ATRNL1: variants seen among roughly 807,000 people sequenced by gnomAD.
The protein encoded by ATRNL1 is attractin like 1, also known as attractin-like protein 1.
Under a neutral mutation model 182.7 loss-of-function variants are expected in ATRNL1, and 95 were observed. The ratio of observed to expected loss-of-function variants is 0.52; its 90% CI spans 0.44 to 0.62. The LOEUF (loss-of-function observed/expected upper bound fraction) is 0.62, where lower values mean the gene tolerates loss of function less well. ATRNL1 is among the 20% of genes least tolerant of loss of function. ATRNL1 has a pLI of 0.00. For missense variants in ATRNL1, 1,471 were observed against 1,679.5 expected (o/e 0.88, Z 2.17); for synonymous variants, 576 against 568.3 (o/e 1.01, Z -0.19).
chr10:115,308,669 C>T (rs1434128391), intron 17 of ATRNL1, among the ~76,000 whole-genome samples: 1 of 152,002 alleles, frequency 6.6e-6, no homozygotes, highest in Non-Finnish European at 1.5e-5. Flanking sequence ...TCATACAAGT[C>T]CTTATACTAC....
chr10:115,693,179 GT>G (rs1324748855), intron 26 of ATRNL1, among the ~76,000 whole-genome samples: 29 of 152,128 alleles, frequency 1.9e-4, no homozygotes, highest in African/African-American at 5.1e-4. Context: ...TATAGTAATA[GT>G]TTTTTACTAT....
At chr10:115,180,074 T>C (rs1592220393) in intron 8 of ATRNL1, among the ~76,000 whole-genome samples, 2 of 152,060 alleles carry the variant, frequency 1.3e-5, no homozygotes, top group South Asian at 2.1e-4. Flanking sequence ...ATTGTCTTAC[T>C]AGCAAAATAC....
chr10:115,422,354 C>G (rs1554962079), intron 20 of ATRNL1, among the ~76,000 whole-genome samples: 1 of 152,096 alleles, frequency 6.6e-6, no homozygotes, highest in African/African-American at 2.4e-5. Flanking sequence ...AAAAAACGAA[C>G]AACCGCATTA....
At chr10:115,133,232 A>G (rs1845341819) in intron 5 of ATRNL1, among the ~76,000 whole-genome samples, 1 of 152,170 alleles carries the variant, frequency 6.6e-6, no homozygotes, top group Admixed American at 6.5e-5. Flanking sequence ...GTCAAAGATC[A>G]GGTGGTTGTA....
intron 24 of ATRNL1, among the ~76,000 whole-genome samples, chr10:115,483,645 A>C (rs1467721795): frequency 6.6e-6 from 1 of 151,534 alleles, no homozygotes; most frequent in Non-Finnish European, 1.5e-5. Context: ...ATTTTCATAA[A>C]ATCTAGATGT....
At chr10:115,535,377 C>T (rs1554989895) in intron 25 of ATRNL1, among the ~76,000 whole-genome samples, 1 of 151,752 alleles carries the variant, frequency 6.6e-6, no homozygotes, top group African/African-American at 2.4e-5. Context: ...ATCACTGATA[C>T]CCTTTCTTCC....
intron 27 of ATRNL1, among the ~76,000 whole-genome samples, chr10:115,793,826 T>C (rs1555082295): frequency 6.6e-6 from 1 of 152,154 alleles, no homozygotes; most frequent in Non-Finnish European, 1.5e-5. Flanking sequence ...TTTTTCTTTG[T>C]GGTGGGTGAT....
intron 27 of ATRNL1, among the ~76,000 whole-genome samples, chr10:115,791,240 G>A (rs575177210): frequency 4.1e-4 from 62 of 152,172 alleles, no homozygotes; most frequent in Non-Finnish European, 4.4e-4. Flanking sequence ...CCTTCCTCAT[G>A]CCAACATACT....
chr10:115,142,321 G>T (rs1845785216), intron 5 of ATRNL1, among the ~76,000 whole-genome samples: 1 of 152,166 alleles, frequency 6.6e-6, no homozygotes, highest in Non-Finnish European at 1.5e-5. Context: ...GCAGAGACCT[G>T]TCAGTTCAAA....
chr10:115,374,453 T>TTCCTTTCC (rs1421460494), intron 19 of ATRNL1, among the ~76,000 whole-genome samples: 18 of 135,884 alleles, frequency 1.3e-4, no homozygotes, highest in Non-Finnish European at 2.5e-4. Context: ...CCTTCCTTCC[T>TTCCTTTCC]TTCCTTCCTT....
chr10:115,393,441 A>C (rs1554954813), intron 19 of ATRNL1, among the ~76,000 whole-genome samples: 1 of 152,182 alleles, frequency 6.6e-6, no homozygotes, highest in Admixed American at 6.6e-5. Context: ...ACATTGGGAA[A>C]TTTTGACTCA....
chr10:115,529,730 TTTC>T (rs1851452994), intron 25 of ATRNL1, among the ~76,000 whole-genome samples: 1 of 152,106 alleles, frequency 6.6e-6, no homozygotes, highest in Admixed American at 6.6e-5. Context: ...CGTTTTCCAA[TTTC>T]TAATTTTAAT....
chr10:115,736,563 CATT>C (rs1266434951), intron 27 of ATRNL1, among the ~76,000 whole-genome samples: 1 of 152,052 alleles, frequency 6.6e-6, no homozygotes, highest in Non-Finnish European at 1.5e-5. Context: ...GGCCCTCAAT[CATT>C]ATGACTGATT....
rs978326596 is a variant in ATRNL1 at position 115,622,984 on chromosome 10, G to A, written c.3795+73448G>A. Among the ~76,000 whole-genome samples the A allele has an allele frequency of 4.6e-4, 70 of 151,966 alleles. 1 individual carries two copies. The highest frequency in any genetic ancestry group is 1.0e-4 in the Non-Finnish European group (7 of 67,980). ...AGATAGAAAATCTTCACTGCTAACA[G>A]GTTGTCTTTATCACAACGGTATAAT... On this transcript the variant is annotated intron_variant, in intron 26 of 28. Coordinates refer to ENST00000355044, the MANE Select transcript of ATRNL1 (RefSeq NM_207303.4).
chr10:115,569,071 A>G (rs1233270738), intron 26 of ATRNL1, among the ~76,000 whole-genome samples: 1 of 152,096 alleles, frequency 6.6e-6, no homozygotes, highest in Non-Finnish European at 1.5e-5. Context: ...ATTGATTATA[A>G]AGAACATTGC....
intron 18 of ATRNL1, among the ~76,000 whole-genome samples, chr10:115,326,971 C>T (rs566393900): frequency 6.6e-6 from 1 of 152,186 alleles, no homozygotes; most frequent in Non-Finnish European, 1.5e-5. Context: ...GGCCTAAAAT[C>T]ATAAAAACCC....
chr10:115,301,063 A>T (rs1163250382), intron 16 of ATRNL1, among the ~76,000 whole-genome samples: 1 of 152,138 alleles, frequency 6.6e-6, no homozygotes, highest in Non-Finnish European at 1.5e-5. Context: ...TGTAGGATAT[A>T]TGAGAATTTC....
intron 26 of ATRNL1, among the ~76,000 whole-genome samples, chr10:115,646,257 C>G (rs1017411325): frequency 1.3e-5 from 2 of 152,048 alleles, no homozygotes; most frequent in Non-Finnish European, 2.9e-5. Flanking sequence ...ATAGTGTGAA[C>G]ATTTACGTCC....
chr10:115,527,992 C>CCTTCCTT (rs1565133249), intron 25 of ATRNL1, among the ~76,000 whole-genome samples: 1 of 48,316 alleles, frequency 2.1e-5, no homozygotes, highest in African/African-American at 1.0e-4. Flanking sequence ...CTCCCTCCCT[C>CCTTCCTT]CCTCCCTTCC....
Sources: allele counts gnomAD v4.1 joint callset (sites outside exome capture counted in the v4.1 genomes callset), GRCh38; gene constraint gnomAD v4.1.1; transcripts MANE v1.5; gene names NCBI Gene and HGNC (gene_info 2026-07-23, HGNC 2026-07-21).